Variants in BOLL observed in about 807,000 individuals in gnomAD.
BOLL encodes protein boule-like.
BOLL carries 23 observed loss-of-function variants against 44.4 expected under a neutral mutation model. The observed-to-expected ratio is 0.52, with a 90% CI of 0.37 to 0.73. The LOEUF (loss-of-function observed/expected upper bound fraction) is 0.73. Among genes scored for constraint, BOLL ranks in the 30% least tolerant of loss-of-function variants. The pLI is 0.00. For missense variants in BOLL, 287 were observed against 338.3 expected (o/e 0.85, Z 1.19); for synonymous variants, 97 against 110.8 (o/e 0.88, Z 0.78).
At chr2:197,747,097 A>G (rs1484648663) in intron 9 of BOLL, among the ~76,000 whole-genome samples, 1 of 152,062 alleles carries the variant, frequency 6.6e-6, no homozygotes, top group Non-Finnish European at 1.5e-5. Flanking sequence ...GACTTAAAGT[A>G]CCTTAAATGT....
chr2:197,781,155 T>C (rs1689759299), intron 2 of BOLL, among the ~76,000 whole-genome samples: 1 of 152,134 alleles, frequency 6.6e-6, no homozygotes, highest in Non-Finnish European at 1.5e-5. Context: ...TATTTTTTTT[T>C]CTGCTTAAAT....
At chr2:197,774,143 T>C (rs1178438555) in intron 5 of BOLL, 3 of 285,994 alleles carry the variant, frequency 1.0e-5, no homozygotes, top group Middle Eastern at 8.2e-4. Flanking sequence ...CCAGGAGATA[T>C]GAAAAAGCAG....
intron 4 of BOLL, among the ~76,000 whole-genome samples, chr2:197,776,214 G>A (rs1264470700): frequency 6.6e-6 from 1 of 151,820 alleles, no homozygotes. Context: ...TTTTGTTGGT[G>A]ATTTGGCTAT....
intron 1 of BOLL, 94 bp downstream of exon 1, chr2:197,784,961 AG>A (rs773583186): frequency 1.7e-5 from 17 of 985,808 alleles, no homozygotes; most frequent in Non-Finnish European, 2.0e-5. Context: ...ACTCCTCCAA[AG>A]CAATGTGCCC....
intron 9 of BOLL, among the ~76,000 whole-genome samples, chr2:197,746,745 T>C (rs967529802): frequency 6.6e-5 from 10 of 151,086 alleles, no homozygotes; most frequent in Admixed American, 1.3e-4. Flanking sequence ...ACTAAAAATA[T>C]AAAAATTAGC....
intron 7 of BOLL, chr2:197,758,995 A>G (rs1181027035): frequency 5.2e-6 from 8 of 1,535,840 alleles, no homozygotes; most frequent in Non-Finnish European, 7.0e-6. Flanking sequence ...CTTGTATGAC[A>G]TTGTTTAATT....
intron 1 of BOLL, among the ~76,000 whole-genome samples, chr2:197,783,428 C>T (rs1379668651): frequency 6.6e-6 from 1 of 152,156 alleles, no homozygotes; most frequent in Non-Finnish European, 1.5e-5. Context: ...TCTTCTCTGG[C>T]CAATACAATC....
chr2:197,776,959 T>A, intron 4 of BOLL, 100 bp downstream of exon 4: 1 of 937,034 alleles, frequency 1.1e-6, no homozygotes, highest in Non-Finnish European at 1.5e-6. Context: ...GATGCAAACC[T>A]TTTTTAAAAA....
intron 10 of BOLL, among the ~76,000 whole-genome samples, chr2:197,730,171 A>G (rs1156928623): frequency 7.5e-6 from 1 of 133,910 alleles, no homozygotes; most frequent in East Asian, 2.0e-4. Flanking sequence ...AGAATGAAGA[A>G]GCCTCAGGAG....
intron 4 of BOLL, among the ~76,000 whole-genome samples, chr2:197,776,822 T>A (rs1230270530): frequency 6.6e-6 from 1 of 151,882 alleles, no homozygotes; most frequent in East Asian, 1.9e-4. Context: ...AAAAGATATA[T>A]CCCCAAGTTC....
At chr2:197,784,077 A>G (rs922468105) in intron 1 of BOLL, among the ~76,000 whole-genome samples, 1 of 151,952 alleles carries the variant, frequency 6.6e-6, no homozygotes, top group African/African-American at 2.4e-5. Flanking sequence ...TTCACACTCA[A>G]TTCACTTCAT....
In BOLL at chr2:197,745,575, A is replaced by C. The variant is rs111975417; in HGVS notation, c.730-2416T>G. On this transcript the variant is annotated intron_variant, in intron 9 of 10. Coordinates refer to ENST00000392296, the MANE Select transcript of BOLL (RefSeq NM_033030.6). ...TTTAATGCCAAAAGAGATTCTGACA[A>C]AAAATCAAATGTAAAAGCATTCTTA... Among the ~76,000 whole-genome samples, 926 of 152,338 alleles carry C rather than the reference A, an allele frequency of 6.1e-3. 16 individuals are homozygous for C. The highest frequency in any genetic ancestry group is 0.021 in the African/African-American group (866 of 41,574).
chr2:197,738,820 T>TA (rs939584275), intron 10 of BOLL, among the ~76,000 whole-genome samples: 5 of 152,036 alleles, frequency 3.3e-5, no homozygotes, highest in Non-Finnish European at 7.4e-5. Flanking sequence ...GCATTGGAAG[T>TA]AAAAAAAGGC....
chr2:197,747,519 G>A (rs893382625), intron 9 of BOLL, among the ~76,000 whole-genome samples: 7 of 146,698 alleles, frequency 4.8e-5, no homozygotes, highest in Non-Finnish European at 1.0e-4. Flanking sequence ...GGAGGCAGAG[G>A]TTGCAGTGAG....
chr2:197,745,354 A>G (rs1687944268), intron 9 of BOLL, among the ~76,000 whole-genome samples: 1 of 152,184 alleles, frequency 6.6e-6, no homozygotes, highest in African/African-American at 2.4e-5. Context: ...ATTAAGTTAT[A>G]TATTAGTCAG....
chr2:197,781,273 G>A (rs1166053861), intron 2 of BOLL, among the ~76,000 whole-genome samples: 1 of 152,224 alleles, frequency 6.6e-6, no homozygotes, highest in Admixed American at 6.5e-5. Context: ...ATGCCTAGGA[G>A]GTTGCTCAGG....
intron 5 of BOLL, 70 bp downstream of exon 5, chr2:197,775,595 T>C (rs1689473150): frequency 9.9e-7 from 1 of 1,007,108 alleles, no homozygotes; most frequent in Non-Finnish European, 1.4e-6. Context: ...TAAAGTTCTA[T>C]AAAAAGTCTT....
chr2:197,761,752 T>C (rs558135260), intron 7 of BOLL, among the ~76,000 whole-genome samples: 1 of 152,216 alleles, frequency 6.6e-6, no homozygotes, highest in Admixed American at 6.5e-5. Flanking sequence ...AGTGAAGGGA[T>C]GGAAAGACAT....
chr2:197,756,028 A>C lies in BOLL; in HGVS notation c.729+400T>G, dbSNP rs558344275. The C allele has an allele frequency of 7.2e-4, 110 of 152,450 alleles. 1 individual carries two copies. Among genetic ancestry groups the C allele is most frequent in the African/African-American group, 2.6e-3 (108 of 41,574 alleles). The allele number at this position is 152,450 out of a possible 1,614,324, so 9.4% of individuals were successfully genotyped here. A position where few individuals can be genotyped will look rare whatever the true frequency, so the allele number is the denominator to read the frequency against. On this transcript the variant is annotated intron_variant, in intron 9 of 10. Transcript: ENST00000392296. ...GAGGATATTAAAATTTGTAATTATAAATTTAATTTACATTTTTGTAGGAAG... is the reference window on the plus strand; with the variant it reads ...GAGGATATTAAAATTTGTAATTATACATTTAATTTACATTTTTGTAGGAAG...
Sources: gnomAD v4.1 joint callset for allele counts (sites outside exome capture counted in the v4.1 genomes callset) on GRCh38, gnomAD v4.1.1 for gene constraint, MANE v1.5 for transcripts, NCBI Gene and HGNC (gene_info 2026-07-23, HGNC 2026-07-21) for gene names.